TAF4B: variants seen among roughly 807,000 people sequenced by gnomAD.
The protein encoded by TAF4B is TATA-box binding protein associated factor 4b.
A neutral mutation model predicts 86.4 loss-of-function variants in TAF4B; 38 were observed. That is an observed-to-expected ratio of 0.44 (90% CI 0.34 to 0.58). TAF4B has a LOEUF of 0.58. Ranked by LOEUF, TAF4B falls within the 20% of genes least tolerant of loss-of-function variation. The pLI is 0.02. For synonymous variants in TAF4B, 388 were observed against 391.2 expected, an observed-to-expected ratio of 0.99 and a Z score of 0.10; for missense variants, 988 against 1,027.6, an observed-to-expected ratio of 0.96 and a Z score of 0.53.
At chr18:26,384,080 TCTA>T (rs1407893296) in intron 14 of TAF4B, among the ~76,000 whole-genome samples, 1 of 152,214 alleles carries the variant, frequency 6.6e-6, no homozygotes, top group African/African-American at 2.4e-5. Context: ...AAGTCTTCAT[TCTA>T]CTCCCTATTT....
intron 1 of TAF4B, among the ~76,000 whole-genome samples, chr18:26,237,246 G>C (rs934425572): frequency 6.6e-6 from 1 of 152,148 alleles, no homozygotes; most frequent in Non-Finnish European, 1.5e-5. Context: ...TGCAGCTAAA[G>C]CCACATTCTT....
chr18:26,312,428 A>C (rs2144659412), intron 9 of TAF4B, among the ~76,000 whole-genome samples: 1 of 152,274 alleles, frequency 6.6e-6, no homozygotes, highest in Non-Finnish European at 1.5e-5. Context: ...AACCATGGTA[A>C]CTAGAGGGAG....
chr18:26,363,437 T>G (rs1453271249), intron 14 of TAF4B, among the ~76,000 whole-genome samples: 39 of 145,286 alleles, frequency 2.7e-4, no homozygotes, highest in Non-Finnish European at 1.5e-5. Flanking sequence ...TTCCAGCAAC[T>G]TGGAGGGCTT....
chr18:26,296,455 T>G (rs1677015), intron 9 of TAF4B, among the ~76,000 whole-genome samples: 54,382 of 151,408 alleles, frequency 0.36, 11,727 homozygotes, highest in East Asian at 0.81. Context: ...CCATCTCTTT[T>G]TGCCTGTAGC....
In TAF4B at chr18:26,353,327, T is replaced by G. The variant is rs916126415; in HGVS notation, c.2317-4363T>G. 2.0e-5 allele frequency among the ~76,000 whole-genome samples: 3 copies of G among 152,234 alleles called. No individual in the cohort carries two copies. In the East Asian group the frequency reaches 5.8e-4, roughly 29 times the overall value. ...TTGAAAATCAGTCAATATAATCATATATTAATAGTCTAAGAAACACCATGT... is the reference window on the plus strand; with the variant it reads ...TTGAAAATCAGTCAATATAATCATAGATTAATAGTCTAAGAAACACCATGT... On this transcript the variant is annotated intron_variant, in intron 13 of 14. Coordinates refer to ENST00000269142, the MANE Select transcript of TAF4B (RefSeq NM_005640.3).
chr18:26,389,692 G>C (rs139087710), intron 14 of TAF4B, among the ~76,000 whole-genome samples, 153 bp from the exon 15 acceptor site: 5 of 152,338 alleles, frequency 3.3e-5, no homozygotes, highest in African/African-American at 1.2e-4. Context: ...GAGATTGGCT[G>C]CTGGAGGACA....
intron 14 of TAF4B, among the ~76,000 whole-genome samples, chr18:26,387,268 C>G (rs1475830321): frequency 6.6e-6 from 1 of 152,074 alleles, no homozygotes; most frequent in East Asian, 1.9e-4. Flanking sequence ...GGGGTTTCAC[C>G]ATGTTAGCCA....
chr18:26,357,887 C>T (rs763223242), intron 14 of TAF4B, 93 bp downstream of exon 14: 9 of 810,216 alleles, frequency 1.1e-5, no homozygotes, highest in Admixed American at 3.1e-5. Flanking sequence ...CTGTTATGCA[C>T]GCTGTTGCTG....
chr18:26,375,576 T>C (rs1284586874), intron 14 of TAF4B, among the ~76,000 whole-genome samples: 1 of 152,202 alleles, frequency 6.6e-6, no homozygotes, highest in Non-Finnish European at 1.5e-5. Flanking sequence ...TATTGCCTTT[T>C]AAAAATTTTA....
intron 14 of TAF4B, among the ~76,000 whole-genome samples, chr18:26,364,054 G>A (rs1396952519): frequency 6.6e-6 from 1 of 152,140 alleles, no homozygotes; most frequent in African/African-American, 2.4e-5. Flanking sequence ...TTGTCCTTGA[G>A]TATTTTTTGT....
At chr18:26,388,532 G>A (rs1242285221) in intron 14 of TAF4B, among the ~76,000 whole-genome samples, 1 of 152,180 alleles carries the variant, frequency 6.6e-6, no homozygotes, top group Non-Finnish European at 1.5e-5. Flanking sequence ...AATTACTATA[G>A]TACAACGTAA....
chr18:26,285,222 G>GTTTTTTGTTT (rs1555677503), intron 6 of TAF4B, among the ~76,000 whole-genome samples: 476 of 45,686 alleles, frequency 0.01, 36 homozygotes, highest in African/African-American at 0.029. Flanking sequence ...TTTTTTTTTT[G>GTTTTTTGTTT]TTTTTTTTTT....
At chr18:26,257,354 A>T (rs752624828) in intron 1 of TAF4B, among the ~76,000 whole-genome samples, 5 of 152,038 alleles carry the variant, frequency 3.3e-5, no homozygotes, top group African/African-American at 9.7e-5. Context: ...GTCTATTTTG[A>T]TATTAGTATG....
intron 14 of TAF4B, among the ~76,000 whole-genome samples, chr18:26,361,351 C>T (rs565547388): frequency 6.6e-6 from 1 of 150,472 alleles, no homozygotes; most frequent in African/African-American, 2.4e-5. Context: ...CCTTGAACTC[C>T]TGGCCTCAAG....
Position 26,226,625 on chromosome 18 carries a change from G to C in TAF4B, c.-309G>C, listed in dbSNP as rs2055578159. 1 of 267,264 alleles carries C rather than the reference G, an allele frequency of 3.7e-6. No individual in the cohort carries two copies. The highest frequency in any genetic ancestry group is 5.4e-5 in the Admixed American group (1 of 18,560). 16.6% of individuals were successfully genotyped at this position (267,264 alleles called of 1,614,324 possible). On this transcript the variant is annotated 5_prime_UTR_variant, in exon 1 of 15. Coordinates refer to ENST00000269142, the MANE Select transcript of TAF4B (RefSeq NM_005640.3). ...CCGCAAGTCCAGGCTCCCCCGCAGC[G>C]GGACCCGAGCCTGAGGCGCAGGGCT...
chr18:26,295,285 G>T, intron 9 of TAF4B: 2 of 319,208 alleles, frequency 6.3e-6, no homozygotes, highest in Non-Finnish European at 1.2e-5. Flanking sequence ...AAGTTCATCT[G>T]CTGGTAAATT....
chr18:26,340,159 A>C (rs2057125013), intron 13 of TAF4B, among the ~76,000 whole-genome samples: 1 of 152,260 alleles, frequency 6.6e-6, no homozygotes, highest in Non-Finnish European at 1.5e-5. Flanking sequence ...ATAGGTTATA[A>C]AAACTGTTGG....
intron 14 of TAF4B, among the ~76,000 whole-genome samples, chr18:26,365,076 G>A (rs2057362994): frequency 1.4e-5 from 2 of 142,556 alleles, no homozygotes; most frequent in African/African-American, 2.6e-5. Flanking sequence ...TCGTAATCTC[G>A]GCTCACTGCA....
intron 14 of TAF4B, among the ~76,000 whole-genome samples, chr18:26,385,100 T>C (rs1345111594): frequency 6.6e-6 from 1 of 152,118 alleles, no homozygotes; most frequent in African/African-American, 2.4e-5. Flanking sequence ...AGCCACTGGG[T>C]TCATAAAGAT....
Sources: gnomAD v4.1 joint callset for allele counts (sites outside exome capture counted in the v4.1 genomes callset) on GRCh38, gnomAD v4.1.1 for gene constraint, MANE v1.5 for transcripts, NCBI Gene and HGNC (gene_info 2026-07-23, HGNC 2026-07-21) for gene names.